The following ADAMTSL3 variants were observed in gnomAD, a reference collection of about 807,000 sequenced individuals.
The protein encoded by ADAMTSL3 is ADAMTS like 3.
A neutral mutation model predicts 201.7 loss-of-function variants in ADAMTSL3; 128 were observed. That is an observed-to-expected ratio of 0.63 (90% confidence interval 0.55 to 0.73). The LOEUF (loss-of-function observed/expected upper bound fraction) is 0.73, where lower values mean the gene tolerates loss of function less well. Among genes scored for constraint, ADAMTSL3 ranks in the 30% least tolerant of loss-of-function variants. The pLI, the probability that ADAMTSL3 is intolerant of heterozygous loss-of-function variation, is 0.00. For synonymous variants in ADAMTSL3, 738 were observed against 748.4 expected (o/e 0.99, Z 0.23); for missense variants, 1,990 against 2,119.6 (o/e 0.94, Z 1.20).
chr15:84,002,290 A>G (rs561943650), intron 23 of ADAMTSL3, among the ~76,000 whole-genome samples: 2 of 152,330 alleles, frequency 1.3e-5, no homozygotes, highest in East Asian at 1.9e-4. Flanking sequence ...ATGGGTCTAC[A>G]TGTATTGAGT....
chr15:83,955,453 G>A (rs1423468840), intron 19 of ADAMTSL3, among the ~76,000 whole-genome samples: 1 of 151,994 alleles, frequency 6.6e-6, no homozygotes, highest in Admixed American at 6.6e-5. Context: ...CAGAAATGCT[G>A]TCCGAAAGCC....
intron 3 of ADAMTSL3, among the ~76,000 whole-genome samples, chr15:83,758,371 G>A (rs537714624): frequency 3.3e-5 from 5 of 152,240 alleles, no homozygotes; most frequent in East Asian, 1.9e-4. Flanking sequence ...TAAAACTGTC[G>A]GATGTTGTGA....
chr15:83,838,358 C>T, intron 7 of ADAMTSL3, 143 bp downstream of exon 7: 3 of 1,151,350 alleles, frequency 2.6e-6, no homozygotes, highest in Non-Finnish European at 3.6e-6. Flanking sequence ...AAATTTCTTC[C>T]AAGAAGTGTG....
intron 10 of ADAMTSL3, 39 bp downstream of exon 10, chr15:83,885,251 G>C (rs1567213859): frequency 6.7e-7 from 1 of 1,486,918 alleles, no homozygotes; most frequent in East Asian, 2.3e-5. Flanking sequence ...TTAGAGCTCA[G>C]AGTTAGATAA....
intron 3 of ADAMTSL3, among the ~76,000 whole-genome samples, chr15:83,714,731 TCTC>T (rs1332545914): frequency 9.7e-6 from 1 of 102,976 alleles, no homozygotes; most frequent in Non-Finnish European, 2.1e-5. Context: ...TTTCTTTTTC[TCTC>T]CTTCTCCTTT....
chr15:83,680,256 C>T (rs2061459467), intron 2 of ADAMTSL3, among the ~76,000 whole-genome samples: 1 of 152,038 alleles, frequency 6.6e-6, no homozygotes, highest in Non-Finnish European at 1.5e-5. Context: ...AGTGAACCCA[C>T]CACTATATTG....
At position 84,037,792 on chromosome 15, in the gene ADAMTSL3, T is replaced by C. The variant is rs142406682; in HGVS notation, c.5062T>C (p.Cys1688Arg). ...CTACAAACAAAGGTGCTGCCAGTCA[T>C]GTCAAGAGGGATAAACCTTTGGAGG... ...DRYKQRCCQS[C>R]QEG The change falls in exon 30 of 30, where the codon TGT becomes CGT. Residue 1688 changes from cysteine (C) to arginine (R), a missense_variant. Cys to Arg is a radical substitution (Grantham distance 180). Coordinates refer to ENST00000286744, the MANE Select transcript of ADAMTSL3 (RefSeq NM_207517.3). 1,081 of 1,613,288 alleles carry C rather than the reference T, an allele frequency of 6.7e-4. No individual in the cohort carries two copies. Among genetic ancestry groups the C allele is most frequent in the Non-Finnish European group, 8.6e-4 (1,017 of 1,179,890 alleles).
chr15:83,874,389 G>A (rs1229058389), intron 9 of ADAMTSL3, among the ~76,000 whole-genome samples: 3 of 144,986 alleles, frequency 2.1e-5, no homozygotes, highest in South Asian at 2.1e-4. Flanking sequence ...TTTAGTCACA[G>A]GTTGAGTCTC....
chr15:83,769,000 A>G (rs543338239), intron 3 of ADAMTSL3, among the ~76,000 whole-genome samples: 3 of 152,298 alleles, frequency 2.0e-5, no homozygotes, highest in South Asian at 2.1e-4. Flanking sequence ...TTCGTGCTCT[A>G]CTTTCTTAGA....
intron 16 of ADAMTSL3, among the ~76,000 whole-genome samples, chr15:83,923,471 G>T (rs1047409316): frequency 1.1e-4 from 17 of 152,150 alleles, no homozygotes; most frequent in Admixed American, 6.6e-5. Context: ...CATATGCAGT[G>T]ATATAGAGAA....
At chr15:84,011,780 A>T (rs960617806) in intron 23 of ADAMTSL3, among the ~76,000 whole-genome samples, 1 of 152,250 alleles carries the variant, frequency 6.6e-6, no homozygotes, top group Admixed American at 6.5e-5. Flanking sequence ...GCAGATGCTT[A>T]TAGCTTTCCT....
intron 2 of ADAMTSL3, among the ~76,000 whole-genome samples, chr15:83,702,866 CT>C (rs2061795507): frequency 6.6e-6 from 1 of 152,186 alleles, no homozygotes; most frequent in African/African-American, 2.4e-5. Context: ...AAGAGGGCTA[CT>C]GTCCTCCAGA....
chr15:83,969,879 G>A (rs1328136651), intron 19 of ADAMTSL3, among the ~76,000 whole-genome samples: 2 of 152,222 alleles, frequency 1.3e-5, no homozygotes, highest in Non-Finnish European at 2.9e-5. Flanking sequence ...TAGATCTTAT[G>A]TGAAGTGTTC....
At chr15:83,676,195 A>T (rs2061402640) in intron 2 of ADAMTSL3, among the ~76,000 whole-genome samples, 1 of 144,912 alleles carries the variant, frequency 6.9e-6, no homozygotes. Context: ...TTGATTTGAG[A>T]TCTTTTCTTT....
At chr15:83,756,834 A>G (rs532590547) in intron 3 of ADAMTSL3, among the ~76,000 whole-genome samples, 15 of 152,312 alleles carry the variant, frequency 9.8e-5, no homozygotes, top group South Asian at 4.1e-4. Flanking sequence ...AATAGGAGGA[A>G]TTGGCCCAAA....
chr15:83,734,933 C>G (rs2062345110), intron 3 of ADAMTSL3, among the ~76,000 whole-genome samples: 2 of 152,020 alleles, frequency 1.3e-5, no homozygotes, highest in South Asian at 4.1e-4. Context: ...TCTTTGAACA[C>G]CGACAGAAAG....
In ADAMTSL3 at chr15:83,884,801, A is replaced by G. The variant is rs568309839; in HGVS notation, c.961-300A>G. Among the ~76,000 whole-genome samples the G allele has an allele frequency of 4.6e-5, 7 of 152,312 alleles. No homozygotes were observed. In the South Asian group the frequency reaches 1.5e-3, roughly 32 times the overall value. On this transcript the variant is annotated intron_variant, in intron 9 of 29. Coordinates refer to ENST00000286744, the MANE Select transcript of ADAMTSL3 (RefSeq NM_207517.3). The stretch of plus-strand genomic sequence containing the variant: ...AAAATCCAATGTTTCAGGAAGAAAG[A>G]CAGTGTGAAACGAACAAACAAAAAA...
At chr15:83,874,037 T>C (rs1396480001) in intron 9 of ADAMTSL3, among the ~76,000 whole-genome samples, 1 of 145,514 alleles carries the variant, frequency 6.9e-6, no homozygotes, top group Non-Finnish European at 1.5e-5. Flanking sequence ...GCACATCTTC[T>C]ATAACATGGA....
intron 2 of ADAMTSL3, among the ~76,000 whole-genome samples, chr15:83,695,837 T>C (rs2061681092): frequency 2.6e-5 from 4 of 152,176 alleles, no homozygotes. Flanking sequence ...GACCGCATTC[T>C]ACTTGAAAAA....
Sources: allele counts gnomAD v4.1 joint callset (sites outside exome capture counted in the v4.1 genomes callset), GRCh38; gene constraint gnomAD v4.1.1; transcripts MANE v1.5; gene names NCBI Gene and HGNC (gene_info 2026-07-23, HGNC 2026-07-21).